Variants in NOS1 observed in about 807,000 individuals in gnomAD.
The protein encoded by NOS1 is NOS type I.
Under a neutral mutation model 164.5 loss-of-function variants are expected in NOS1, and 51 were observed. That is an observed-to-expected ratio of 0.31 (90% confidence interval 0.25 to 0.39). The LOEUF is 0.39. Ranked by LOEUF, NOS1 falls within the 10% of genes least tolerant of loss-of-function variation. NOS1 has a pLI of 1.00. For missense variants in NOS1, 1,362 were observed against 1,885.6 expected, an observed-to-expected ratio of 0.72 and a Z score of 5.14; for synonymous variants, 719 against 745.8, an observed-to-expected ratio of 0.96 and a Z score of 0.59.
Position 117,234,442 on chromosome 12 carries a change from G to T in NOS1, c.3235+123C>A. On this transcript the variant is annotated intron_variant, in intron 21 of 28. Transcript: ENST00000317775. The surrounding 1 kb of genome is among the most constrained non-coding windows in gnomAD (Gnocchi z 4.3). The stretch of plus-strand genomic sequence containing the variant: ...GGGGATATCTTTAGTCTCATAGGCT[G>T]TTAGCAACAGACACCCACTCTCCTG... 1 of 1,007,874 alleles carries T rather than the reference G, an allele frequency of 9.9e-7. No individual in the cohort carries two copies. The highest frequency in any genetic ancestry group is 1.4e-6 in the Non-Finnish European group (1 of 691,574). The allele number at this position is 1,007,874 out of a possible 1,614,324, so 62.4% of individuals were successfully genotyped here.
In NOS1 at chr12:117,212,653, G is replaced by T. The variant is rs1369107565; in HGVS notation, c.*2656C>A. ...TCAGGGGGAAGAGGGAAATAAATGG[G>T]CCATAACCCGAATAACCCCCAAATA... On this transcript the variant is annotated 3_prime_UTR_variant, in exon 29 of 29. Coordinates refer to ENST00000317775, the MANE Select transcript of NOS1 (RefSeq NM_000620.5). 4.1e-6 allele frequency: 4 copies of T among 985,266 alleles called. No homozygotes were observed. The highest frequency in any genetic ancestry group is 3.6e-6 in the Non-Finnish European group (3 of 829,936). 61.0% of individuals were successfully genotyped at this position (985,266 alleles called of 1,614,324 possible). A position where few individuals can be genotyped will look rare whatever the true frequency, so the allele number is the denominator to read the frequency against.
chr12:117,286,021 T>C, intron 6 of NOS1, 83 bp downstream of exon 6: 3 of 1,507,626 alleles, frequency 2.0e-6, no homozygotes, highest in Non-Finnish European at 2.7e-6. Flanking sequence ...GGTAGAAGCT[T>C]ATCCTTTTTA....
In NOS1 at chr12:117,247,330, C is replaced by T. The variant is rs1870697927; in HGVS notation, c.2823+18G>A. ...GGGAGCATTACTTTTTCCTGTAGGT[C>T]CATGAGATCCAGATTACCTTGAAGA... is the stretch of plus-strand genomic sequence containing the variant. On this transcript the variant is annotated intron_variant, in intron 18 of 28. Transcript: ENST00000317775. 1 of 1,570,024 alleles carries T rather than the reference C, an allele frequency of 6.4e-7. No individual in the cohort carries two copies. The highest frequency in any genetic ancestry group is 1.2e-5 in the South Asian group (1 of 84,532).
intron 26 of NOS1, among the ~76,000 whole-genome samples, chr12:117,220,851 A>G (rs78374842): frequency 0.015 from 2,259 of 152,176 alleles, 29 homozygotes; most frequent in South Asian, 0.069. Context: ...CAGGGAGCTC[A>G]TTTGTTCAGG....
chr12:117,300,423 T>C (rs898981840), intron 3 of NOS1, among the ~76,000 whole-genome samples: 3 of 152,110 alleles, frequency 2.0e-5, no homozygotes, highest in African/African-American at 4.8e-5. Flanking sequence ...CAAACACTAG[T>C]CAATTCACGC....
chr12:117,231,874 T>C, intron 22 of NOS1, 88 bp downstream of exon 22: 4 of 1,387,716 alleles, frequency 2.9e-6, no homozygotes, highest in Non-Finnish European at 4.0e-6. Context: ...TTCCATCTGC[T>C]GGAAGCCTGG....
At position 117,214,024 on chromosome 12, in the gene NOS1, A is replaced by G. The variant is rs962570416; in HGVS notation, c.*1285T>C. On this transcript the variant is annotated 3_prime_UTR_variant, in exon 29 of 29. Coordinates refer to ENST00000317775, the MANE Select transcript of NOS1 (RefSeq NM_000620.5). ...TAACAGGTTTAAAACTTTGGAGATC[A>G]ACTGCAGAGGGCAACAAGCCTGAGG... The G allele has an allele frequency of 1.0e-6, 1 of 985,388 alleles. No homozygotes were observed. The highest frequency in any genetic ancestry group is 5.2e-4 in the Middle Eastern group (1 of 1,914). 61.0% of individuals were successfully genotyped at this position (985,388 alleles called of 1,614,324 possible). A position where few individuals can be genotyped will look rare whatever the true frequency, so the allele number is the denominator to read the frequency against.
chr12:117,222,533 C>T (rs990956285), intron 26 of NOS1, among the ~76,000 whole-genome samples, 182 bp downstream of exon 26: 3 of 152,210 alleles, frequency 2.0e-5, no homozygotes, highest in Admixed American at 6.5e-5. Flanking sequence ...GGATTACAGG[C>T]GCTCGGCCTG....
intron 2 of NOS1, among the ~76,000 whole-genome samples, chr12:117,314,401 G>T (rs1874581901): frequency 6.6e-6 from 1 of 152,196 alleles, no homozygotes; most frequent in African/African-American, 2.4e-5. Flanking sequence ...GAGAAGGGAG[G>T]AGGTTAATGC....
chr12:117,337,059 G>A (rs375973516), intron 1 of NOS1, among the ~76,000 whole-genome samples: 18 of 145,864 alleles, frequency 1.2e-4, no homozygotes, highest in African/African-American at 1.0e-4. Flanking sequence ...GCCTCCCAAA[G>A]TATAGGGATT....
intron 2 of NOS1, among the ~76,000 whole-genome samples, chr12:117,325,656 TCCACTGG>T (rs1875208147): frequency 6.6e-6 from 1 of 152,230 alleles, no homozygotes; most frequent in Admixed American, 6.5e-5. Flanking sequence ...GTGCAGTAAA[TCCACTGG>T]GTAAATTAAG....
At chr12:117,257,026 C>T (rs978162528) in intron 16 of NOS1, among the ~76,000 whole-genome samples, 3 of 152,038 alleles carry the variant, frequency 2.0e-5, no homozygotes, top group Non-Finnish European at 2.9e-5. Context: ...GAGCTGAGAT[C>T]GTGCCATTGC....
chr12:117,214,035 G>T lies in NOS1; in HGVS notation c.*1274C>A. On this transcript the variant is annotated 3_prime_UTR_variant, in exon 29 of 29. Coordinates refer to ENST00000317775, the MANE Select transcript of NOS1 (RefSeq NM_000620.5). ...AAACTTTGGAGATCAACTGCAGAGG[G>T]CAACAAGCCTGAGGGACAAGTTCTT... 1.0e-6 allele frequency: 1 copy of T among 985,342 alleles called. No individual in the cohort carries two copies. Among genetic ancestry groups the T allele is most frequent in the Non-Finnish European group, 1.2e-6 (1 of 829,916 alleles). 61.0% of individuals were successfully genotyped at this position (985,342 alleles called of 1,614,324 possible).
At chr12:117,260,433 A>C (rs918683053) in intron 14 of NOS1, 32 bp downstream of exon 14, 3 of 1,605,550 alleles carry the variant, frequency 1.9e-6, no homozygotes, top group Middle Eastern at 1.7e-4. Flanking sequence ...CACCATGAGA[A>C]GCTGGTGGAG....
intron 2 of NOS1, among the ~76,000 whole-genome samples, chr12:117,326,937 C>T (rs1315252695): frequency 6.6e-6 from 1 of 152,078 alleles, no homozygotes; most frequent in Non-Finnish European, 1.5e-5. Context: ...AAACGAACTC[C>T]CTGGAGGGGA....
intron 3 of NOS1, among the ~76,000 whole-genome samples, chr12:117,299,405 G>A (rs1425224026): frequency 3.3e-5 from 5 of 152,054 alleles, no homozygotes; most frequent in Non-Finnish European, 5.9e-5. Context: ...TTGGGAGGCC[G>A]AGGTGGGCGG....
chr12:117,308,596 A>T (rs1430000090), intron 3 of NOS1, among the ~76,000 whole-genome samples: 1 of 151,532 alleles, frequency 6.6e-6, no homozygotes, highest in African/African-American at 2.4e-5. Context: ...GTCAGATTAT[A>T]TAATTTTTTT....
intron 11 of NOS1, among the ~76,000 whole-genome samples, chr12:117,267,049 G>A (rs991980385): frequency 5.3e-5 from 8 of 152,152 alleles, no homozygotes; most frequent in African/African-American, 1.9e-4. Flanking sequence ...CTGACATGGG[G>A]ACCTATGGCT....
intron 8 of NOS1, among the ~76,000 whole-genome samples, chr12:117,278,940 T>G (rs1873400597): frequency 6.7e-6 from 1 of 150,154 alleles, no homozygotes; most frequent in Non-Finnish European, 1.5e-5. Flanking sequence ...ATTAATTTAT[T>G]AATAATAAAT....
Sources: gnomAD v4.1 joint callset for allele counts (sites outside exome capture counted in the v4.1 genomes callset) on GRCh38, gnomAD v4.1.1 for gene constraint, Gnocchi (gnomAD v3.1) non-coding constraint, MANE v1.5 for transcripts, NCBI Gene and HGNC (gene_info 2026-07-23, HGNC 2026-07-21) for gene names.